Variants in CTNND2 observed in about 807,000 individuals in gnomAD.
The protein encoded by CTNND2 is catenin delta-2.
A neutral mutation model predicts 144.4 loss-of-function variants in CTNND2; 22 were observed. The observed-to-expected ratio is 0.15, with a 90% confidence interval of 0.11 to 0.22. The LOEUF is 0.22. CTNND2 is among the 10% of genes least tolerant of loss of function. The pLI, the probability that CTNND2 is intolerant of heterozygous loss-of-function variation, is 1.00. For missense variants in CTNND2, 1,353 were observed against 1,618.8 expected (o/e 0.84, Z 2.82); for synonymous variants, 751 against 695.6 (o/e 1.08, Z -1.25).
chr5:11,290,424 C>T (rs1005117464), intron 9 of CTNND2, among the ~76,000 whole-genome samples: 19 of 152,236 alleles, frequency 1.2e-4, no homozygotes, highest in African/African-American at 4.3e-4. Context: ...CATTTTGTAC[C>T]CACTTTCAGT....
At chr5:11,796,860 G>C (rs1051664054) in intron 1 of CTNND2, among the ~76,000 whole-genome samples, 8 of 152,108 alleles carry the variant, frequency 5.3e-5, no homozygotes, top group Non-Finnish European at 1.2e-4. Context: ...ATTGTGAAAA[G>C]CTCAAGAGAA....
chr5:11,781,682 A>C (rs1790548560), intron 1 of CTNND2, among the ~76,000 whole-genome samples: 1 of 152,148 alleles, frequency 6.6e-6, no homozygotes, highest in Non-Finnish European at 1.5e-5. Context: ...TACAGTTACA[A>C]ATGACTCCTC....
intron 1 of CTNND2, among the ~76,000 whole-genome samples, chr5:11,881,957 G>C (rs1381417462): frequency 2.0e-5 from 3 of 151,848 alleles, no homozygotes; most frequent in Non-Finnish European, 4.4e-5. Flanking sequence ...ACTCATTGTG[G>C]TTTCAACTTG....
chr5:11,730,319 T>C (rs1009726493), intron 2 of CTNND2, among the ~76,000 whole-genome samples: 4 of 152,208 alleles, frequency 2.6e-5, no homozygotes, highest in African/African-American at 9.6e-5. Flanking sequence ...CTGTGAGATT[T>C]ATTTCTCTTT....
In CTNND2 at chr5:11,744,358, G is replaced by A. The variant is rs532116201; in HGVS notation, c.38-12086C>T. Reference sequence around the variant, plus strand: ...CACAGGTGAAGCAAGGAAGATGCGCGACGGCCAAGCAACAGGTTAGGCTCT... The same window carrying A: ...CACAGGTGAAGCAAGGAAGATGCGCAACGGCCAAGCAACAGGTTAGGCTCT... On this transcript the variant is annotated intron_variant, in intron 1 of 21. Coordinates refer to ENST00000304623, the MANE Select transcript of CTNND2 (RefSeq NM_001332.4). Among the ~76,000 whole-genome samples, 6 of 152,240 alleles carry A rather than the reference G, an allele frequency of 3.9e-5. No individual in the cohort carries two copies. The South Asian group carries it at 1.0e-3, about 26-fold the overall frequency.
intron 2 of CTNND2, among the ~76,000 whole-genome samples, chr5:11,576,872 CTT>C (rs1778014061): frequency 6.6e-6 from 1 of 152,180 alleles, no homozygotes; most frequent in South Asian, 2.1e-4. Flanking sequence ...TTTCCAGTCT[CTT>C]CGGTGGCTGG....
rs1365683995 is a variant in CTNND2, at chr5:11,236,725, T to G, written c.1727A>C (p.His576Pro). Residue 576 changes from histidine to proline, a missense_variant, in exon 10 of 22, where the codon CAC becomes CCC. Physicochemically the swap from His to Pro is moderately conservative, Grantham distance 77 (BLOSUM62 -2). Around this residue, in one of 4 missense-constraint regions of CTNND2, gnomAD observed 69 missense variants for 120.3 expected, o/e 0.57. Coordinates refer to ENST00000304623, the MANE Select transcript of CTNND2 (RefSeq NM_001332.4). The stretch of plus-strand genomic sequence containing the variant: ...AATTTTGTTGTCTCCAAAACAGAGG[T>G]GTTGCAAGTAGGCTGCCGCGTTAGA... ...VQSNAAAYLQ[H>P]LCFGDNKIKA... is the part of the protein sequence containing the mutation. 6.2e-7 allele frequency: 1 copy of G among 1,614,102 alleles called. No individual in the cohort carries two copies. Among genetic ancestry groups the G allele is most frequent in the Non-Finnish European group, 8.5e-7 (1 of 1,180,008 alleles).
chr5:11,891,688 G>A (rs1736976276), intron 1 of CTNND2, among the ~76,000 whole-genome samples: 1 of 152,110 alleles, frequency 6.6e-6, no homozygotes, highest in Non-Finnish European at 1.5e-5. Flanking sequence ...GCCCTCACCT[G>A]GAATCAAATC....
At chr5:11,739,451 T>C (rs1180053653) in intron 1 of CTNND2, among the ~76,000 whole-genome samples, 1 of 152,196 alleles carries the variant, frequency 6.6e-6, no homozygotes, top group African/African-American at 2.4e-5. Flanking sequence ...CTGCAAACTT[T>C]CAACCTGAAA....
intron 1 of CTNND2, among the ~76,000 whole-genome samples, chr5:11,861,097 C>T (rs929646310): frequency 6.6e-6 from 1 of 152,162 alleles, no homozygotes; most frequent in Non-Finnish European, 1.5e-5. Flanking sequence ...CATACATGTT[C>T]TGACATACAT....
At chr5:11,601,978 C>T (rs1378647784) in intron 2 of CTNND2, among the ~76,000 whole-genome samples, 1 of 152,000 alleles carries the variant, frequency 6.6e-6, no homozygotes, top group East Asian at 1.9e-4. Context: ...GAAGATTTCG[C>T]CAGGTGGGGA....
At chr5:11,806,756 G>T (rs1792026778) in intron 1 of CTNND2, among the ~76,000 whole-genome samples, 1 of 152,024 alleles carries the variant, frequency 6.6e-6, no homozygotes, top group Admixed American at 6.6e-5. Flanking sequence ...ACTGAGAAGG[G>T]TGCCTACAAT....
At chr5:11,816,050 C>T (rs774772526) in intron 1 of CTNND2, among the ~76,000 whole-genome samples, 6 of 152,156 alleles carry the variant, frequency 3.9e-5, no homozygotes, top group Non-Finnish European at 8.8e-5. Flanking sequence ...GCACAGAACA[C>T]AGTTGGAGCG....
intron 15 of CTNND2, among the ~76,000 whole-genome samples, chr5:11,087,373 T>A (rs1045359904): frequency 6.6e-6 from 1 of 152,224 alleles, no homozygotes; most frequent in Non-Finnish European, 1.5e-5. Context: ...GGAAACGGCA[T>A]GGCTTTTGCT....
chr5:11,115,237 A>G (rs1753425964), intron 13 of CTNND2, among the ~76,000 whole-genome samples: 1 of 152,260 alleles, frequency 6.6e-6, no homozygotes, highest in African/African-American at 2.4e-5. Context: ...GAATCTGGTC[A>G]TCTGACAGAA....
rs539618539 is a variant in CTNND2 at position 11,781,118 on chromosome 5, T to A, written c.38-48846A>T. On this transcript the variant is annotated intron_variant, in intron 1 of 21. Transcript: ENST00000304623. ...TAGGCATGGAAGAGAAGAACTATCA[T>A]TAACACACACCTGTTGCTGCCAGTC... 8.5e-5 allele frequency among the ~76,000 whole-genome samples: 13 copies of A among 152,300 alleles called. 1 individual carries two copies. Among genetic ancestry groups the A allele is most frequent in the African/African-American group, 3.1e-4 (13 of 41,558 alleles).
chr5:11,107,439 A>G (rs1034430555), intron 14 of CTNND2, among the ~76,000 whole-genome samples: 1 of 152,192 alleles, frequency 6.6e-6, no homozygotes, highest in African/African-American at 2.4e-5. Flanking sequence ...TCCGAATGAC[A>G]TAGCAGGCAA....
At chr5:11,284,327 G>A (rs1389059467) in intron 9 of CTNND2, among the ~76,000 whole-genome samples, 1 of 152,028 alleles carries the variant, frequency 6.6e-6, no homozygotes, top group Non-Finnish European at 1.5e-5. Context: ...ATATGTAAAT[G>A]TGTGCCATGG....
intron 12 of CTNND2, among the ~76,000 whole-genome samples, chr5:11,140,815 A>G (rs1756654799): frequency 6.6e-6 from 1 of 152,196 alleles, no homozygotes; most frequent in African/African-American, 2.4e-5. Flanking sequence ...TATATTCTAG[A>G]TTTATTAAAA....
Sources: gnomAD v4.1 joint callset for allele counts (sites outside exome capture counted in the v4.1 genomes callset) on GRCh38, gnomAD v4.1.1 for gene constraint, gnomAD v4.1.1 regional missense constraint, MANE v1.5 for transcripts, NCBI Gene and HGNC (gene_info 2026-07-23, HGNC 2026-07-21) for gene names.